ZNF385B: variants seen among roughly 807,000 people sequenced by gnomAD.
ZNF385B encodes the protein zinc finger protein 385B, also known as zinc finger protein 533.
Under a neutral mutation model 39.2 loss-of-function variants are expected in ZNF385B, and 23 were observed. The ratio of observed to expected loss-of-function variants is 0.59; its 90% CI spans 0.42 to 0.83. ZNF385B has a LOEUF of 0.83. Ranked by LOEUF, ZNF385B falls within the 40% of genes least tolerant of loss-of-function variation. ZNF385B has a pLI of 0.00. For missense variants in ZNF385B, 552 were observed against 598.9 expected, an observed-to-expected ratio of 0.92 and a Z score of 0.82; for synonymous variants, 205 against 222.6, an observed-to-expected ratio of 0.92 and a Z score of 0.70.
chr2:179,725,609 T>C (rs1218681991), intron 3 of ZNF385B, among the ~76,000 whole-genome samples: 1 of 151,406 alleles, frequency 6.6e-6, no homozygotes, highest in African/African-American at 2.4e-5. Flanking sequence ...TGTATTTCTC[T>C]AGCTTTGTCA....
At chr2:179,494,078 C>G (rs1457648194) in intron 5 of ZNF385B, among the ~76,000 whole-genome samples, 1 of 151,554 alleles carries the variant, frequency 6.6e-6, no homozygotes, top group East Asian at 1.9e-4. Context: ...AAAATAAAGA[C>G]AAGTAAGGGG....
At chr2:179,741,622 G>A (rs1702092748) in intron 3 of ZNF385B, among the ~76,000 whole-genome samples, 2 of 152,068 alleles carry the variant, frequency 1.3e-5, no homozygotes, top group Admixed American at 1.3e-4. Flanking sequence ...TTGGTAAACA[G>A]CTGAGCATGT....
chr2:179,519,041 C>A (rs1189305093), intron 4 of ZNF385B, among the ~76,000 whole-genome samples: 4 of 152,112 alleles, frequency 2.6e-5, no homozygotes, highest in South Asian at 4.1e-4. Flanking sequence ...AATGCAGTGG[C>A]GTGATCATAG....
chr2:179,782,671 T>C (rs368337399), intron 1 of ZNF385B, among the ~76,000 whole-genome samples: 1 of 152,290 alleles, frequency 6.6e-6, no homozygotes, highest in African/African-American at 2.4e-5. Flanking sequence ...ATCACTAGCA[T>C]TCTTATACAC....
At chr2:179,707,158 C>T (rs983286969) in intron 3 of ZNF385B, among the ~76,000 whole-genome samples, 9 of 152,206 alleles carry the variant, frequency 5.9e-5, no homozygotes, top group African/African-American at 9.6e-5. Flanking sequence ...ATCTAAAAGA[C>T]GGCAGCACAC....
intron 6 of ZNF385B, among the ~76,000 whole-genome samples, chr2:179,471,106 C>T (rs115163108): frequency 0.041 from 6,232 of 152,212 alleles, 198 homozygotes; most frequent in Middle Eastern, 0.12. Flanking sequence ...GGTTTGTTAT[C>T]ATGCTAGGTC....
chr2:179,803,582 A>T (rs987869916), intron 1 of ZNF385B, among the ~76,000 whole-genome samples: 1 of 152,228 alleles, frequency 6.6e-6, no homozygotes, highest in Non-Finnish European at 1.5e-5. Context: ...TATAAGATTT[A>T]TAAACTGTGC....
intron 3 of ZNF385B, among the ~76,000 whole-genome samples, chr2:179,644,500 C>T (rs929552228): frequency 6.6e-6 from 1 of 152,080 alleles, no homozygotes; most frequent in African/African-American, 2.4e-5. Flanking sequence ...GAAAAGCTGC[C>T]CTTTGTTATA....
chr2:179,540,639 C>G (rs955938784), intron 4 of ZNF385B, among the ~76,000 whole-genome samples: 1 of 152,060 alleles, frequency 6.6e-6, no homozygotes, highest in Non-Finnish European at 1.5e-5. Context: ...GAACTGGGAC[C>G]CTTTCCTCTC....
chr2:179,527,904 A>G (rs1453258518), intron 4 of ZNF385B, among the ~76,000 whole-genome samples: 1 of 152,114 alleles, frequency 6.6e-6, no homozygotes, highest in African/African-American at 2.4e-5. Context: ...AACATAATAA[A>G]TAAGGTATTT....
At chr2:179,660,736 C>G (rs1295899793) in intron 3 of ZNF385B, among the ~76,000 whole-genome samples, 3 of 152,102 alleles carry the variant, frequency 2.0e-5, no homozygotes, top group African/African-American at 7.2e-5. Flanking sequence ...GAAGAACAAG[C>G]CTTACAGTTA....
intron 4 of ZNF385B, among the ~76,000 whole-genome samples, chr2:179,531,108 C>T (rs1037104201): frequency 1.3e-5 from 2 of 152,028 alleles, no homozygotes; most frequent in Non-Finnish European, 2.9e-5. Context: ...TAGTCTTTCT[C>T]GCTTGAAAAT....
At chr2:179,644,524 A>G (rs1007922493) in intron 3 of ZNF385B, among the ~76,000 whole-genome samples, 10 of 152,344 alleles carry the variant, frequency 6.6e-5, no homozygotes, top group African/African-American at 2.2e-4. Context: ...TCTATGAGCC[A>G]CAAATCTTTT....
intron 3 of ZNF385B, among the ~76,000 whole-genome samples, chr2:179,640,867 A>G (rs1367872649): frequency 3.9e-5 from 6 of 152,186 alleles, no homozygotes; most frequent in Non-Finnish European, 8.8e-5. Context: ...ACACAATGGT[A>G]TAATAAACAC....
At chr2:179,602,963 C>T (rs1688524582) in intron 3 of ZNF385B, among the ~76,000 whole-genome samples, 1 of 152,060 alleles carries the variant, frequency 6.6e-6, no homozygotes. Context: ...TTAAAATTTT[C>T]CTTAAATACC....
At chr2:179,850,479 T>C (rs569519168) in intron 1 of ZNF385B, among the ~76,000 whole-genome samples, 1 of 152,364 alleles carries the variant, frequency 6.6e-6, no homozygotes, top group South Asian at 2.1e-4. Flanking sequence ...CCACTGAATC[T>C]GGTTGTGCCT....
intron 1 of ZNF385B, among the ~76,000 whole-genome samples, chr2:179,833,132 T>A (rs6730668): frequency 0.046 from 6,954 of 152,172 alleles, 267 homozygotes; most frequent in African/African-American, 0.11. Context: ...TATGTATAGG[T>A]GTATATATAT....
At chr2:179,665,731 A>C (rs1360623265) in intron 3 of ZNF385B, among the ~76,000 whole-genome samples, 3 of 152,198 alleles carry the variant, frequency 2.0e-5, no homozygotes, top group Non-Finnish European at 4.4e-5. Context: ...GCAGACGTTC[A>C]AATAACGCAA....
chr2:179,700,076 CAA>C (rs1699070092), intron 3 of ZNF385B, among the ~76,000 whole-genome samples: 1 of 109,952 alleles, frequency 9.1e-6, no homozygotes, highest in Non-Finnish European at 1.9e-5. Context: ...CACACACACA[CAA>C]ACAAAACAGA....
Sources: allele counts gnomAD v4.1 joint callset (sites outside exome capture counted in the v4.1 genomes callset), GRCh38; gene constraint gnomAD v4.1.1; transcripts MANE v1.5; gene names NCBI Gene and HGNC (gene_info 2026-07-23, HGNC 2026-07-21).